Variants in STPG4 observed in about 807,000 individuals in gnomAD.
STPG4 encodes sperm-tail PG-rich repeat containing 4.
Under a neutral mutation model 31.5 loss-of-function variants are expected in STPG4, and 41 were observed. The ratio of observed to expected loss-of-function variants is 1.30; its 90% CI spans 1.01 to 1.69. The LOEUF is 1.69. Ranked by LOEUF, STPG4 falls within the 40% of genes most tolerant of loss-of-function variation. The pLI is 0.00. For synonymous variants in STPG4, 141 were observed against 103.0 expected (o/e 1.37, Z -2.24); for missense variants, 375 against 293.4 (o/e 1.28, Z -2.03).
intron 3 of STPG4, among the ~76,000 whole-genome samples, chr2:47,138,586 T>G (rs1364564410): frequency 3.3e-5 from 5 of 152,014 alleles, no homozygotes; most frequent in Admixed American, 6.6e-5. Context: ...AGTCTTGCTC[T>G]GTTGCCAGGC....
intron 3 of STPG4, among the ~76,000 whole-genome samples, chr2:47,139,034 T>G (rs548043459): frequency 3.5e-4 from 54 of 152,306 alleles, no homozygotes; most frequent in Non-Finnish European, 5.7e-4. Context: ...TTGGTGAATG[T>G]TCCATGTGAG....
intron 5 of STPG4, among the ~76,000 whole-genome samples, chr2:47,121,365 G>A (rs1421649495): frequency 6.6e-6 from 1 of 152,090 alleles, no homozygotes; most frequent in Non-Finnish European, 1.5e-5. Context: ...TCTACACACT[G>A]AATGATGAGA....
chr2:47,139,081 GC>G (rs1686655308), intron 3 of STPG4, among the ~76,000 whole-genome samples: 1 of 152,140 alleles, frequency 6.6e-6, no homozygotes, highest in Admixed American at 6.5e-5. Context: ...TTTGGATGAG[GC>G]AGTCTATAGA....
rs553116673 is a variant in STPG4, at chr2:47,151,167, TG to T, written c.399+90del. ...CATCTTAAAGGTTTTCCATTTCTCC[TG>T]GGGGAAGATATACTCTACGTATAAA... is the stretch of plus-strand genomic sequence containing the variant. On this transcript the variant is annotated intron_variant, in intron 3 of 6. Coordinates refer to ENST00000445927, the MANE Select transcript of STPG4 (RefSeq NM_001163561.2). 4 of 1,459,096 alleles carry T rather than the reference TG, an allele frequency of 2.7e-6. No individual in the cohort carries two copies. The East Asian group carries it at 9.2e-5, about 33-fold the overall frequency. 90.4% of individuals were successfully genotyped at this position (1,459,096 alleles called of 1,614,324 possible). A position where few individuals can be genotyped will look rare whatever the true frequency, so the allele number is the denominator to read the frequency against.
At position 47,112,685 on chromosome 2, in the gene STPG4, A is replaced by G. The variant is rs186196431; in HGVS notation, c.519+17256T>C. Among the ~76,000 whole-genome samples the G allele has an allele frequency of 2.7e-4, 41 of 152,362 alleles. No individual in the cohort carries two copies. In the East Asian group the frequency reaches 6.2e-3, roughly 23 times the overall value. On this transcript the variant is annotated intron_variant, in intron 5 of 6. Transcript: ENST00000445927. Reference sequence around the variant, plus strand: ...TTTCTGGTGATTGTAGGTTTCACATATATCAACATTGAGGCAGCCTATTCT... The same window carrying G: ...TTTCTGGTGATTGTAGGTTTCACATGTATCAACATTGAGGCAGCCTATTCT...
At chr2:47,091,174 G>T (rs943800622) in intron 5 of STPG4, among the ~76,000 whole-genome samples, 3 of 149,820 alleles carry the variant, frequency 2.0e-5, no homozygotes, top group African/African-American at 7.3e-5. Context: ...GGGAGGGAGG[G>T]GAAGGAAGGA....
chr2:47,094,522 C>T (rs1367827938), intron 5 of STPG4, among the ~76,000 whole-genome samples: 2 of 152,194 alleles, frequency 1.3e-5, no homozygotes, highest in Admixed American at 1.3e-4. Context: ...GATTATTACA[C>T]AGATGAATAA....
intron 3 of STPG4, among the ~76,000 whole-genome samples, chr2:47,141,743 G>T (rs1338870784): frequency 6.6e-6 from 1 of 151,856 alleles, no homozygotes; most frequent in Non-Finnish European, 1.5e-5. Flanking sequence ...CTATATAGTA[G>T]TGCAACTGTT....
chr2:47,111,017 T>C (rs902270132), intron 5 of STPG4, among the ~76,000 whole-genome samples: 3 of 152,226 alleles, frequency 2.0e-5, no homozygotes, highest in Non-Finnish European at 2.9e-5. Context: ...TATCTTTGTA[T>C]AGGTGAATAT....
chr2:47,087,314 G>A (rs969279249), intron 6 of STPG4, among the ~76,000 whole-genome samples, 184 bp from the exon 7 acceptor site: 1 of 152,232 alleles, frequency 6.6e-6, no homozygotes, highest in Non-Finnish European at 1.5e-5. Context: ...AGCAGAGGCT[G>A]CTCCTGTTAG....
chr2:47,137,665 C>T (rs995995414), intron 3 of STPG4, among the ~76,000 whole-genome samples: 3 of 152,094 alleles, frequency 2.0e-5, no homozygotes, highest in Non-Finnish European at 4.4e-5. Flanking sequence ...TAGATATAGG[C>T]CTATTCAGAC....
At chr2:47,115,788 G>C (rs1686141267) in intron 5 of STPG4, among the ~76,000 whole-genome samples, 1 of 151,844 alleles carries the variant, frequency 6.6e-6, no homozygotes, top group African/African-American at 2.4e-5. Context: ...TAGTTGCTGG[G>C]ATTACAGGCG....
At chr2:47,096,778 T>C (rs963633056) in intron 5 of STPG4, among the ~76,000 whole-genome samples, 1 of 152,224 alleles carries the variant, frequency 6.6e-6, no homozygotes, top group African/African-American at 2.4e-5. Flanking sequence ...GATCATTGAC[T>C]TCAGGGTGCC....
At chr2:47,136,910 C>G (rs1686608774) in intron 3 of STPG4, among the ~76,000 whole-genome samples, 1 of 152,206 alleles carries the variant, frequency 6.6e-6, no homozygotes, top group South Asian at 2.1e-4. Flanking sequence ...GGATTTTCTA[C>G]ATAGGCAATC....
At chr2:47,150,264 C>A (rs1400413107) in intron 3 of STPG4, among the ~76,000 whole-genome samples, 1 of 152,224 alleles carries the variant, frequency 6.6e-6, no homozygotes. Context: ...TTTAATCCAG[C>A]CTCCTTTGGC....
chr2:47,099,448 T>C (rs896615733), intron 5 of STPG4, among the ~76,000 whole-genome samples: 27 of 152,278 alleles, frequency 1.8e-4, no homozygotes, highest in Non-Finnish European at 4.4e-5. Context: ...ATCTCCCAGA[T>C]GCTTTGCTAA....
At chr2:47,105,626 C>T (rs1254207468) in intron 5 of STPG4, among the ~76,000 whole-genome samples, 1 of 152,000 alleles carries the variant, frequency 6.6e-6, no homozygotes, top group African/African-American at 2.4e-5. Context: ...AACCTATATA[C>T]TGATGGAAGT....
intron 5 of STPG4, among the ~76,000 whole-genome samples, chr2:47,109,072 A>T (rs751085599): frequency 1.1e-4 from 16 of 152,224 alleles, no homozygotes; most frequent in African/African-American, 1.7e-4. Context: ...GTCAATCACA[A>T]CTGAAAAAAT....
intron 1 of STPG4, 70 bp downstream of exon 1, chr2:47,155,101 C>G: frequency 7.0e-7 from 1 of 1,435,206 alleles, no homozygotes. Flanking sequence ...GATTAGAGAG[C>G]GGTGGGAAAA....
Sources: gnomAD v4.1 joint callset for allele counts (sites outside exome capture counted in the v4.1 genomes callset) on GRCh38, gnomAD v4.1.1 for gene constraint, MANE v1.5 for transcripts, NCBI Gene and HGNC (gene_info 2026-07-23, HGNC 2026-07-21) for gene names.